Variants in CHMP4B observed in about 807,000 individuals in gnomAD.
CHMP4B encodes the protein SNF7 homolog associated with Alix 1.
In CHMP4B, 1 loss-of-function variant was observed where a neutral mutation model predicts 25.1. That is an observed-to-expected ratio of 0.04 (90% CI 0.01 to 0.19). CHMP4B has a LOEUF of 0.19. Ranked by LOEUF, CHMP4B falls within the 10% of genes least tolerant of loss-of-function variation. The pLI, the probability that CHMP4B is intolerant of heterozygous loss-of-function variation, is 1.00. For synonymous variants in CHMP4B, 101 were observed against 115.6 expected (o/e 0.87, Z 0.81); for missense variants, 151 against 289.7 (o/e 0.52, Z 3.48).
intron 1 of CHMP4B, among the ~76,000 whole-genome samples, chr20:33,816,373 G>T (rs1205209564): frequency 6.6e-6 from 1 of 152,134 alleles, no homozygotes; most frequent in African/African-American, 2.4e-5. Context: ...GGCAAATTGT[G>T]GATATTGAGT....
chr20:33,842,051 C>T (rs193244238), intron 1 of CHMP4B, among the ~76,000 whole-genome samples: 1 of 152,168 alleles, frequency 6.6e-6, no homozygotes, highest in African/African-American at 2.4e-5. Flanking sequence ...TCATTTTTCT[C>T]AGTTATCTAA....
intron 1 of CHMP4B, among the ~76,000 whole-genome samples, chr20:33,833,308 C>T (rs1568608380): frequency 6.6e-6 from 1 of 152,142 alleles, no homozygotes; most frequent in Non-Finnish European, 1.5e-5. Flanking sequence ...CCTGGTTGCC[C>T]CAGCCAGGAA....
intron 1 of CHMP4B, among the ~76,000 whole-genome samples, chr20:33,817,556 G>A (rs184248392): frequency 6.6e-6 from 1 of 152,296 alleles, no homozygotes; most frequent in Admixed American, 6.5e-5. Flanking sequence ...CTATGAAGAT[G>A]TGTGCGAGCC....
intron 1 of CHMP4B, among the ~76,000 whole-genome samples, chr20:33,820,760 T>G (rs1388827842): frequency 6.6e-6 from 1 of 152,164 alleles, no homozygotes; most frequent in Non-Finnish European, 1.5e-5. Context: ...GAACTCAAAA[T>G]GTATGAGTGC....
At chr20:33,821,694 G>A (rs1978945508) in intron 1 of CHMP4B, among the ~76,000 whole-genome samples, 1 of 152,192 alleles carries the variant, frequency 6.6e-6, no homozygotes, top group African/African-American at 2.4e-5. Flanking sequence ...AAGGTGAGGT[G>A]TAAAGATAAC....
intron 1 of CHMP4B, among the ~76,000 whole-genome samples, chr20:33,823,170 A>G (rs1050962907): frequency 6.6e-6 from 1 of 152,164 alleles, no homozygotes; most frequent in Non-Finnish European, 1.5e-5. Context: ...ATCCCCAGGA[A>G]ATGAAAACAT....
At chr20:33,836,727 A>G (rs994997739) in intron 1 of CHMP4B, among the ~76,000 whole-genome samples, 2 of 151,978 alleles carry the variant, frequency 1.3e-5, no homozygotes, top group Admixed American at 1.3e-4. Flanking sequence ...TCTCAGCTCT[A>G]TCTCATTAAT....
chr20:33,846,809 G>A (rs145807790), intron 1 of CHMP4B, among the ~76,000 whole-genome samples: 489 of 152,308 alleles, frequency 3.2e-3, no homozygotes, highest in African/African-American at 0.011. Context: ...GAGTGCATGT[G>A]TGTGTGAGGC....
At chr20:33,849,805 T>A (rs928977941) in intron 2 of CHMP4B, among the ~76,000 whole-genome samples, 2 of 152,322 alleles carry the variant, frequency 1.3e-5, no homozygotes, top group Non-Finnish European at 2.9e-5. Context: ...AAGGTCTTGC[T>A]GTGTCTGTCA....
At chr20:33,840,150 G>A (rs1417874621) in intron 1 of CHMP4B, among the ~76,000 whole-genome samples, 3 of 152,050 alleles carry the variant, frequency 2.0e-5, no homozygotes, top group African/African-American at 4.8e-5. Flanking sequence ...GGAGGCTGAG[G>A]CAGGAGAATT....
rs34508940 is a variant in CHMP4B at position 33,839,611 on chromosome 20, G to GA, written c.191-8854dup. On this transcript the variant is annotated intron_variant, in intron 1 of 4. Coordinates refer to ENST00000217402, the MANE Select transcript of CHMP4B (RefSeq NM_176812.5). ...GTCGCTAGTGGACAGTTTGTGGGCA[G>GA]AACAGGCAGCCCGCTGAATGCCCTT... is the stretch of plus-strand genomic sequence containing the variant. 5.0e-3 allele frequency among the ~76,000 whole-genome samples: 760 copies of GA among 152,304 alleles called. 11 individuals carry two copies. Among genetic ancestry groups the GA allele is most frequent in the Non-Finnish European group, 4.3e-3 (290 of 68,022 alleles).
intron 1 of CHMP4B, among the ~76,000 whole-genome samples, chr20:33,844,748 A>G (rs1979633881): frequency 6.6e-6 from 1 of 152,092 alleles, no homozygotes; most frequent in Non-Finnish European, 1.5e-5. Flanking sequence ...AGCTCTGTCA[A>G]AGAGTGTTTG....
At chr20:33,838,093 T>C (rs148695607) in intron 1 of CHMP4B, among the ~76,000 whole-genome samples, 95 of 152,274 alleles carry the variant, frequency 6.2e-4, no homozygotes, top group African/African-American at 1.9e-3. Context: ...GTGTTGCAGG[T>C]TGTGTCTAGA....
chr20:33,811,789 G>A (rs1425192906), intron 1 of CHMP4B, 131 bp downstream of exon 1: 4 of 943,068 alleles, frequency 4.2e-6, no homozygotes, highest in African/African-American at 1.6e-5. Flanking sequence ...ACTTCTTGCC[G>A]GGTCTGGGAC....
At chr20:33,825,691 G>A (rs1346251922) in intron 1 of CHMP4B, among the ~76,000 whole-genome samples, 2 of 152,208 alleles carry the variant, frequency 1.3e-5, no homozygotes, top group Non-Finnish European at 2.9e-5. Context: ...TAAGTTTCTA[G>A]CATTAGTTGG....
chr20:33,837,766 T>C (rs1025220170), intron 1 of CHMP4B, among the ~76,000 whole-genome samples: 14 of 152,306 alleles, frequency 9.2e-5, no homozygotes, highest in Non-Finnish European at 2.1e-4. Context: ...GCTTATTTCA[T>C]TGGGCAGGAA....
At position 33,851,060 on chromosome 20, in the gene CHMP4B, T is replaced by C. The variant is rs755457066; in HGVS notation, c.477T>C (p.Phe159=). The C allele has an allele frequency of 1.9e-6, 3 of 1,595,924 alleles. No homozygotes were observed. The highest frequency in any genetic ancestry group is 2.6e-6 in the Non-Finnish European group (3 of 1,163,398). ...ISKPVGFGEE[F]DEDELMAELE... The stretch of plus-strand genomic sequence containing the variant: ...AACCTGTAGGGTTTGGAGAAGAGTT[T>C]GACGAGGTGAGTAGTTTTGTACAGA... The change falls in exon 3 of 5, where the codon TTT becomes TTC. Residue 159 remains phenylalanine, a synonymous_variant. Coordinates refer to ENST00000217402, the MANE Select transcript of CHMP4B (RefSeq NM_176812.5).
chr20:33,836,848 T>C (rs1225194415), intron 1 of CHMP4B, among the ~76,000 whole-genome samples: 1 of 152,198 alleles, frequency 6.6e-6, no homozygotes, highest in African/African-American at 2.4e-5. Flanking sequence ...CACTGTCCTT[T>C]TTTGCTTGAT....
At chr20:33,840,514 C>G (rs1979509564) in intron 1 of CHMP4B, among the ~76,000 whole-genome samples, 1 of 152,178 alleles carries the variant, frequency 6.6e-6, no homozygotes, top group Non-Finnish European at 1.5e-5. Context: ...GGATTCTGGC[C>G]TGGTCTACTG....
Sources: allele counts gnomAD v4.1 joint callset (sites outside exome capture counted in the v4.1 genomes callset), GRCh38; gene constraint gnomAD v4.1.1; transcripts MANE v1.5; gene names NCBI Gene and HGNC (gene_info 2026-07-23, HGNC 2026-07-21).